Variants in BCO1 observed in about 807,000 individuals in gnomAD.
The protein encoded by BCO1 is beta,beta-carotene 15,15'-dioxygenase.
A neutral mutation model predicts 56.3 loss-of-function variants in BCO1; 54 were observed. The observed-to-expected ratio is 0.96, with a 90% CI of 0.77 to 1.20. The LOEUF (loss-of-function observed/expected upper bound fraction) is 1.20, where lower values mean the gene tolerates loss of function less well. Ranked by LOEUF, BCO1 falls within the 50% of genes most tolerant of loss-of-function variation. The probability of loss-of-function intolerance (pLI) is 0.00; values close to 1 mark genes in which losing one functional copy is unlikely to be tolerated. For synonymous variants in BCO1, 318 were observed against 266.1 expected (o/e 1.20, Z -1.90); for missense variants, 801 against 690.9 (o/e 1.16, Z -1.79).
At chr16:81,250,410 T>C (rs1269322236) in intron 2 of BCO1, among the ~76,000 whole-genome samples, 2 of 151,992 alleles carry the variant, frequency 1.3e-5, no homozygotes, top group Non-Finnish European at 2.9e-5. Context: ...CCTCTAGGAC[T>C]CTCCGTGGCA....
intron 8 of BCO1, among the ~76,000 whole-genome samples, chr16:81,285,182 A>G (rs1597376147): frequency 3.9e-5 from 6 of 152,178 alleles, no homozygotes; most frequent in Admixed American, 3.9e-4. Flanking sequence ...GCACGCACAC[A>G]TATATACACA....
In BCO1 at chr16:81,285,603, CAGG is replaced by C. The variant is rs1314222120; in HGVS notation, c.1274_1276del (p.Gly425del). The stretch of plus-strand genomic sequence containing the variant: ...AAGCAATACCGATATGTCTTTGCTA[CAGG>C]AGTTCAGTGGAGTCCAATCCCAACC... On this transcript the variant is annotated inframe_deletion, in exon 9 of 11. Transcript: ENST00000258168. 1 of 1,613,060 alleles carries C rather than the reference CAGG, an allele frequency of 6.2e-7. No individual in the cohort carries two copies. The highest frequency in any genetic ancestry group is 8.5e-7 in the Non-Finnish European group (1 of 1,179,100).
Position 81,264,516 on chromosome 16 carries a change from A to G in BCO1, c.472-124A>G, listed in dbSNP as rs1207064729. The G allele has an allele frequency of 6.8e-6, 8 of 1,183,134 alleles. No homozygotes were observed. The East Asian group carries it at 1.9e-4, about 28-fold the overall frequency. The allele number at this position is 1,183,134 out of a possible 1,614,324, so 73.3% of individuals were successfully genotyped here. A position where few individuals can be genotyped will look rare whatever the true frequency, so the allele number is the denominator to read the frequency against. On this transcript the variant is annotated intron_variant, in intron 4 of 10. Coordinates refer to ENST00000258168, the MANE Select transcript of BCO1 (RefSeq NM_017429.3). Reference sequence around the variant, plus strand: ...GCAAAAATATCCCTCATCTCTCTGAACCTAGAATCAGTCACGTTTTCATAG... The same window carrying G: ...GCAAAAATATCCCTCATCTCTCTGAGCCTAGAATCAGTCACGTTTTCATAG...
Position 81,238,741 on chromosome 16 carries a change from A to G in BCO1, c.-168A>G, listed in dbSNP as rs542379886. ...GGAGAGGGACAAGTGAGAGCCAGCC[A>G]AAAAGGAAAAAGCAAAGGCAGAAAC... On this transcript the variant is annotated 5_prime_UTR_variant, in exon 1 of 11. Coordinates refer to ENST00000258168, the MANE Select transcript of BCO1 (RefSeq NM_017429.3). The G allele has an allele frequency of 2.9e-6, 2 of 701,408 alleles. No individual in the cohort carries two copies. Among genetic ancestry groups the G allele is most frequent in the Non-Finnish European group, 5.2e-6 (2 of 383,658 alleles). The allele number at this position is 701,408 out of a possible 1,614,324, so 43.4% of individuals were successfully genotyped here. A position where few individuals can be genotyped will look rare whatever the true frequency, so the allele number is the denominator to read the frequency against.
intron 1 of BCO1, among the ~76,000 whole-genome samples, chr16:81,245,259 G>GC (rs950336987): frequency 6.6e-6 from 1 of 152,212 alleles, no homozygotes; most frequent in Non-Finnish European, 1.5e-5. Flanking sequence ...TCAGTAGGCA[G>GC]TTTGAGGACA....
intron 9 of BCO1, among the ~76,000 whole-genome samples, chr16:81,286,039 T>C (rs1430309736): frequency 7.2e-6 from 1 of 139,026 alleles, no homozygotes; most frequent in African/African-American, 3.0e-5. Context: ...TTGTTTTGTT[T>C]TTTCCTTTTT....
chr16:81,248,133 G>A (rs1315760661), intron 2 of BCO1, among the ~76,000 whole-genome samples: 2 of 152,082 alleles, frequency 1.3e-5, no homozygotes, highest in East Asian at 3.9e-4. Context: ...CAGTCGCGAT[G>A]GCTCACACCT....
At chr16:81,281,031 T>C in intron 8 of BCO1, 69 bp downstream of exon 8, 1 of 1,132,402 alleles carries the variant, frequency 8.8e-7, no homozygotes, top group South Asian at 1.3e-5. Context: ...AGAGGCCTCT[T>C]TACATAATAA....
chr16:81,270,101 G>A, intron 6 of BCO1, 58 bp from the exon 7 acceptor site: 1 of 1,609,466 alleles, frequency 6.2e-7, no homozygotes, highest in African/African-American at 1.3e-5. Flanking sequence ...GCCCCCAGAT[G>A]CCACAGTGCC....
chr16:81,242,767 C>G, intron 1 of BCO1, among the ~76,000 whole-genome samples: 1 of 152,064 alleles, frequency 6.6e-6, no homozygotes, highest in South Asian at 2.1e-4. Flanking sequence ...GGACCAGTAC[C>G]AGTCTGTAGC....
intron 7 of BCO1, among the ~76,000 whole-genome samples, chr16:81,279,415 T>C (rs1238378550): frequency 6.6e-6 from 1 of 152,188 alleles, no homozygotes; most frequent in Non-Finnish European, 1.5e-5. Context: ...CCTCCAGTAG[T>C]GGTGGCAGCA....
chr16:81,248,893 T>C (rs1219289898), intron 2 of BCO1, among the ~76,000 whole-genome samples: 1 of 152,032 alleles, frequency 6.6e-6, no homozygotes, highest in Non-Finnish European at 1.5e-5. Flanking sequence ...GCAACTGTAA[T>C]CCCAGCTACT....
intron 3 of BCO1, 45 bp from the exon 4 acceptor site, chr16:81,262,090 TG>T (rs1252870170): frequency 3.1e-5 from 49 of 1,606,356 alleles, no homozygotes; most frequent in Non-Finnish European, 3.4e-5. Flanking sequence ...CTTCTCTGGC[TG>T]GGTGGACATA....
chr16:81,240,148 A>G (rs969036766), intron 1 of BCO1, among the ~76,000 whole-genome samples: 2 of 152,036 alleles, frequency 1.3e-5, no homozygotes, highest in African/African-American at 4.8e-5. Flanking sequence ...GTATATATAT[A>G]TAGCTGTATG....
chr16:81,240,836 A>AT (rs140061342), intron 1 of BCO1, among the ~76,000 whole-genome samples: 136,305 of 139,846 alleles, frequency 0.97, 66,474 homozygotes, highest in South Asian at 0.99. Context: ...TTTAATTTTA[A>AT]TTTTTTTTTT....
intron 1 of BCO1, among the ~76,000 whole-genome samples, chr16:81,242,560 C>G (rs530564463): frequency 7.0e-4 from 106 of 152,190 alleles, no homozygotes; most frequent in African/African-American, 2.4e-3. Flanking sequence ...AATAGAGGCC[C>G]ATCAGTTCTG....
At position 81,262,141 on chromosome 16, in the gene BCO1, T is replaced by C; in HGVS notation, c.329T>C (p.Phe110Ser). The change falls in exon 4 of 11, where the codon TTC (phenylalanine) becomes TCC (serine). Residue 110 changes from phenylalanine (F) to serine (S), a missense_variant. By Grantham distance (155) the Phe-to-Ser change is radical. Coordinates refer to ENST00000258168, the MANE Select transcript of BCO1 (RefSeq NM_017429.3). The stretch of plus-strand genomic sequence containing the variant: ...TGATTTGCTTTTCTCCCCAGAGCTT[T>C]CTCCTACTTGTCTCACACCATCCCC... ...DPCKNIFSKAFSYLSHTIPDF... is the reference protein window; with the variant it reads ...DPCKNIFSKASSYLSHTIPDF... 1.2e-6 allele frequency: 2 copies of C among 1,613,840 alleles called. No homozygotes were observed. Among genetic ancestry groups the C allele is most frequent in the Non-Finnish European group, 8.5e-7 (1 of 1,179,968 alleles).
At chr16:81,250,212 G>C (rs573545719) in intron 2 of BCO1, among the ~76,000 whole-genome samples, 1 of 152,146 alleles carries the variant, frequency 6.6e-6, no homozygotes, top group Non-Finnish European at 1.5e-5. Flanking sequence ...ACACAGCTAA[G>C]AGTTGGTAAA....
intron 7 of BCO1, among the ~76,000 whole-genome samples, chr16:81,277,419 A>T (rs1336938928): frequency 6.6e-6 from 1 of 152,200 alleles, no homozygotes; most frequent in African/African-American, 2.4e-5. Flanking sequence ...ACTGGAATGT[A>T]CGCCTGTCTG....
Sources: gnomAD v4.1 joint callset for allele counts (sites outside exome capture counted in the v4.1 genomes callset) on GRCh38, gnomAD v4.1.1 for gene constraint, MANE v1.5 for transcripts, NCBI Gene and HGNC (gene_info 2026-07-23, HGNC 2026-07-21) for gene names.